NRXN3: variants seen among roughly 807,000 people sequenced by gnomAD.
NRXN3 encodes the protein neurexin 3.
A neutral mutation model predicts 137.6 loss-of-function variants in NRXN3; 32 were observed. That is an observed-to-expected ratio of 0.23 (90% confidence interval 0.18 to 0.31). NRXN3 has a LOEUF of 0.31. Among genes scored for constraint, NRXN3 ranks in the 10% least tolerant of loss-of-function variants. NRXN3 has a pLI of 1.00. For synonymous variants in NRXN3, 798 were observed against 784.5 expected (o/e 1.02, Z -0.29); for missense variants, 1,574 against 2,062.5 (o/e 0.76, Z 4.59).
At position 79,660,765 on chromosome 14, in the gene NRXN3, A is replaced by G. The variant is rs144713043; in HGVS notation, c.3445-3013A>G. Among the ~76,000 whole-genome samples, 1,307 of 152,206 alleles carry G rather than the reference A, an allele frequency of 8.6e-3. 9 individuals are homozygous for G. The highest frequency in any genetic ancestry group is 0.02 in the Middle Eastern group (6 of 294). ...AATTGAATCACCAGCTGTCCTTTCC[A>G]TGCATCCAGGATTTATGTACTGGTT... On this transcript the variant is annotated intron_variant, in intron 16 of 20. Transcript: ENST00000335750.
At chr14:78,308,735 G>A (rs2077625923) in intron 4 of NRXN3, among the ~76,000 whole-genome samples, 1 of 151,872 alleles carries the variant, frequency 6.6e-6, no homozygotes, top group African/African-American at 2.4e-5. Flanking sequence ...AAATACTATT[G>A]TGTGTGTGTG....
intron 8 of NRXN3, among the ~76,000 whole-genome samples, chr14:78,776,007 A>T (rs1354298861): frequency 6.6e-6 from 1 of 152,188 alleles, no homozygotes; most frequent in Non-Finnish European, 1.5e-5. Context: ...AGATTGTGTT[A>T]ACCTTTGGGG....
intron 4 of NRXN3, among the ~76,000 whole-genome samples, chr14:78,603,025 A>G (rs1445737701): frequency 2.6e-5 from 4 of 152,096 alleles, no homozygotes; most frequent in Admixed American, 2.6e-4. Flanking sequence ...CTTATTCCAA[A>G]TTCAACCATT....
intron 10 of NRXN3, among the ~76,000 whole-genome samples, chr14:78,827,661 A>G (rs969359941): frequency 1.3e-5 from 2 of 152,188 alleles, no homozygotes; most frequent in Non-Finnish European, 2.9e-5. Context: ...TGTGTAGGCT[A>G]CCACTGAGTA....
intron 16 of NRXN3, among the ~76,000 whole-genome samples, chr14:79,599,530 T>A (rs998070620): frequency 1.3e-5 from 2 of 152,202 alleles, no homozygotes; most frequent in African/African-American, 4.8e-5. Flanking sequence ...CATGAATTAT[T>A]ATTGGCCTTG....
intron 9 of NRXN3, 69 bp downstream of exon 9, chr14:78,803,892 G>C: frequency 7.1e-7 from 1 of 1,416,712 alleles, no homozygotes; most frequent in South Asian, 1.2e-5. Context: ...ATTTTCATTG[G>C]TTTGATTGAA....
intron 16 of NRXN3, among the ~76,000 whole-genome samples, chr14:79,539,092 C>G (rs1219285648): frequency 6.6e-6 from 1 of 152,194 alleles, no homozygotes; most frequent in Non-Finnish European, 1.5e-5. Flanking sequence ...TGGAGTCTTG[C>G]TCTGTCACCC....
chr14:78,815,269 TAG>T, intron 10 of NRXN3, among the ~76,000 whole-genome samples: 1 of 152,286 alleles, frequency 6.6e-6, no homozygotes, highest in East Asian at 1.9e-4. Flanking sequence ...AGTGCCACAA[TAG>T]AGTTATTTGT....
intron 4 of NRXN3, among the ~76,000 whole-genome samples, chr14:78,426,924 C>T (rs77751267): frequency 6.6e-6 from 1 of 152,102 alleles, no homozygotes; most frequent in Non-Finnish European, 1.5e-5. Flanking sequence ...AGGCAGAGTT[C>T]AGATTTGGAA....
At position 79,545,667 on chromosome 14, in the gene NRXN3, G is replaced by GT. The variant is rs1339566608; in HGVS notation, c.3444+78276dup. 3.7e-3 allele frequency among the ~76,000 whole-genome samples: 544 copies of GT among 145,664 alleles called. 4 individuals are homozygous for GT. Among genetic ancestry groups the GT allele is most frequent in the Non-Finnish European group, 5.0e-3 (326 of 65,756 alleles). On this transcript the variant is annotated intron_variant, in intron 16 of 20. Coordinates refer to ENST00000335750, the MANE Select transcript of NRXN3 (RefSeq NM_001330195.2). ...ATAAGAGATTGTATTCGGAGGGCTT[G>GT]TTTTTTTTTTTGTTGTTGTTGTTTT...
intron 16 of NRXN3, among the ~76,000 whole-genome samples, chr14:79,492,646 T>C (rs1474969490): frequency 3.9e-5 from 6 of 152,180 alleles, no homozygotes; most frequent in Non-Finnish European, 5.9e-5. Context: ...CCTCCCAAAG[T>C]GCTGGGATTA....
chr14:78,554,590 A>G (rs2152223337), intron 4 of NRXN3, among the ~76,000 whole-genome samples: 1 of 152,226 alleles, frequency 6.6e-6, no homozygotes, highest in Middle Eastern at 3.4e-3. Flanking sequence ...AATTCTCATG[A>G]CTTTTACACT....
At chr14:79,767,953 C>T (rs972500039) in intron 19 of NRXN3, among the ~76,000 whole-genome samples, 4 of 152,250 alleles carry the variant, frequency 2.6e-5, no homozygotes, top group African/African-American at 9.6e-5. Context: ...GGAATTGCCT[C>T]ACTCGGGAAG....
chr14:78,335,547 A>C (rs1039097515), intron 4 of NRXN3, among the ~76,000 whole-genome samples: 2 of 152,244 alleles, frequency 1.3e-5, no homozygotes, highest in African/African-American at 4.8e-5. Context: ...TAATATATTA[A>C]TTACTAGTAT....
At chr14:79,822,201 A>T (rs560717576) in intron 20 of NRXN3, among the ~76,000 whole-genome samples, 8 of 152,292 alleles carry the variant, frequency 5.3e-5, no homozygotes, top group African/African-American at 1.9e-4. Context: ...CAGTCATGTT[A>T]TCTGCCCACA....
chr14:78,991,423 T>C (rs564057377), intron 15 of NRXN3, among the ~76,000 whole-genome samples: 3 of 152,316 alleles, frequency 2.0e-5, no homozygotes, highest in Admixed American at 1.3e-4. Flanking sequence ...AATGCTATCA[T>C]AGGACCATGC....
At chr14:78,648,096 C>A (rs1019801001) in intron 5 of NRXN3, among the ~76,000 whole-genome samples, 2 of 152,156 alleles carry the variant, frequency 1.3e-5, no homozygotes, top group African/African-American at 4.8e-5. Context: ...AGGTCAGGAC[C>A]AAGGCCAGGT....
intron 5 of NRXN3, among the ~76,000 whole-genome samples, chr14:78,647,490 C>T (rs947136594): frequency 1.6e-4 from 24 of 152,218 alleles, no homozygotes; most frequent in African/African-American, 2.4e-5. Context: ...CGTGCTGTGA[C>T]GTGCACATGA....
At chr14:79,646,862 T>C (rs191725755) in intron 16 of NRXN3, among the ~76,000 whole-genome samples, 2 of 136,258 alleles carry the variant, frequency 1.5e-5, no homozygotes, top group African/African-American at 4.9e-5. Context: ...TCTTCACATG[T>C]CTAGTGAGAC....
Sources: gnomAD v4.1 joint callset for allele counts (sites outside exome capture counted in the v4.1 genomes callset) on GRCh38, gnomAD v4.1.1 for gene constraint, MANE v1.5 for transcripts, NCBI Gene and HGNC (gene_info 2026-07-23, HGNC 2026-07-21) for gene names.